CAMK2D: variants seen among roughly 807,000 people sequenced by gnomAD.
CAMK2D encodes the protein calcium/calmodulin-dependent protein kinase type II subunit delta.
In CAMK2D, 37 loss-of-function variants were observed where a neutral mutation model predicts 84.0. The observed-to-expected ratio is 0.44, with a 90% CI of 0.34 to 0.58. The LOEUF (loss-of-function observed/expected upper bound fraction) is 0.58. CAMK2D is among the 20% of genes least tolerant of loss of function. CAMK2D has a pLI of 0.02. For missense variants in CAMK2D, 448 were observed against 652.5 expected, an observed-to-expected ratio of 0.69 and a Z score of 3.41; for synonymous variants, 202 against 212.5, an observed-to-expected ratio of 0.95 and a Z score of 0.43.
chr4:113,461,302 T>A (rs965744195), intron 17 of CAMK2D, among the ~76,000 whole-genome samples: 1 of 152,204 alleles, frequency 6.6e-6, no homozygotes, highest in Non-Finnish European at 1.5e-5. Context: ...GAACACTTAC[T>A]ATGTGGCAGA....
intron 4 of CAMK2D, among the ~76,000 whole-genome samples, chr4:113,571,422 C>T (rs1386669298): frequency 6.6e-6 from 1 of 152,066 alleles, no homozygotes; most frequent in Non-Finnish European, 1.5e-5. Context: ...GATAATATGG[C>T]ATATAAAGAC....
chr4:113,624,689 C>A (rs2099060330), intron 3 of CAMK2D, among the ~76,000 whole-genome samples: 1 of 152,084 alleles, frequency 6.6e-6, no homozygotes, highest in African/African-American at 2.4e-5. Context: ...TTCTGGCATA[C>A]ATAAGAAACT....
At chr4:113,466,208 G>C (rs2097461524) in intron 16 of CAMK2D, among the ~76,000 whole-genome samples, 1 of 151,676 alleles carries the variant, frequency 6.6e-6, no homozygotes, top group Admixed American at 6.6e-5. Flanking sequence ...AGTGAGCCGA[G>C]ATCACGCCAC....
chr4:113,497,324 G>C (rs566456176), intron 16 of CAMK2D, among the ~76,000 whole-genome samples: 2 of 152,260 alleles, frequency 1.3e-5, no homozygotes, highest in East Asian at 3.9e-4. Context: ...CAGGTAAAGA[G>C]AAGGGATTCA....
At chr4:113,514,028 C>G in intron 10 of CAMK2D, 115 bp from the exon 11 acceptor site, 3 of 513,704 alleles carry the variant, frequency 5.8e-6, no homozygotes, top group Non-Finnish European at 1.0e-5. Context: ...GCAGGATCAA[C>G]TTCTAAGTAT....
chr4:113,506,005 C>T lies in CAMK2D; in HGVS notation c.985-970G>A, dbSNP rs187274021. The stretch of plus-strand genomic sequence containing the variant: ...GTTCTCAAACAAAAATGTAAGGTAA[C>T]GTTCATTTTCTTATACTATATTATC... On this transcript the variant is annotated intron_variant, in intron 13 of 20. Transcript: ENST00000511664. Among the ~76,000 whole-genome samples, 33 of 152,086 alleles carry T rather than the reference C, an allele frequency of 2.2e-4. No individual in the cohort carries two copies. In the East Asian group the frequency reaches 4.6e-3, roughly 21 times the overall value.
chr4:113,505,165 C>T, intron 13 of CAMK2D, 130 bp from the exon 14 acceptor site: 1 of 465,762 alleles, frequency 2.1e-6, no homozygotes, highest in Non-Finnish European at 3.8e-6. Flanking sequence ...ACGTGAAAGA[C>T]ATGGTGATGA....
At chr4:113,576,948 C>T (rs1391844142) in intron 4 of CAMK2D, among the ~76,000 whole-genome samples, 1 of 152,076 alleles carries the variant, frequency 6.6e-6, no homozygotes, top group Non-Finnish European at 1.5e-5. Context: ...TCCTAATTCC[C>T]AGAATTGTTT....
intron 13 of CAMK2D, among the ~76,000 whole-genome samples, chr4:113,506,072 T>C (rs1426559308): frequency 6.6e-6 from 1 of 152,172 alleles, no homozygotes. Context: ...TATACCTCCA[T>C]GATTTTAATA....
intron 3 of CAMK2D, among the ~76,000 whole-genome samples, chr4:113,658,431 TC>T (rs1561649952): frequency 1.3e-5 from 2 of 152,108 alleles, no homozygotes; most frequent in African/African-American, 4.8e-5. Flanking sequence ...TGTTTGTTTT[TC>T]CCCCAGAGAG....
intron 4 of CAMK2D, among the ~76,000 whole-genome samples, chr4:113,595,770 C>T (rs1431028316): frequency 3.9e-5 from 6 of 152,114 alleles, no homozygotes; most frequent in Admixed American, 6.5e-5. Flanking sequence ...CTGCTAAATA[C>T]GCTAATGATC....
At chr4:113,475,374 C>T (rs897878929) in intron 16 of CAMK2D, among the ~76,000 whole-genome samples, 1 of 152,112 alleles carries the variant, frequency 6.6e-6, no homozygotes, top group Admixed American at 6.5e-5. Context: ...ATAGTATCAA[C>T]TGAACTGTTA....
chr4:113,713,810 A>AT (rs527320804), intron 2 of CAMK2D, among the ~76,000 whole-genome samples: 9 of 150,740 alleles, frequency 6.0e-5, no homozygotes, highest in African/African-American at 1.7e-4. Flanking sequence ...CACATGTGAT[A>AT]TTTTTTTTCT....
chr4:113,596,042 G>T (rs1185282017), intron 4 of CAMK2D, among the ~76,000 whole-genome samples: 1 of 152,200 alleles, frequency 6.6e-6, no homozygotes, highest in African/African-American at 2.4e-5. Context: ...AAACCCTGCT[G>T]CTGTGTTATC....
intron 16 of CAMK2D, among the ~76,000 whole-genome samples, chr4:113,483,905 G>A (rs1051471316): frequency 7.9e-5 from 12 of 152,112 alleles, no homozygotes; most frequent in Non-Finnish European, 1.5e-4. Flanking sequence ...TGAAAAAGGG[G>A]TGCATCTATG....
At chr4:113,676,801 C>T (rs1411284365) in intron 2 of CAMK2D, among the ~76,000 whole-genome samples, 2 of 152,188 alleles carry the variant, frequency 1.3e-5, no homozygotes, top group African/African-American at 4.8e-5. Context: ...TAAGCCTCTC[C>T]ACATAATTTA....
In CAMK2D at chr4:113,761,023, G is replaced by C. The variant is rs745786721; in HGVS notation, c.46C>G (p.Leu16Val). The C allele has an allele frequency of 1.2e-6, 2 of 1,614,202 alleles. No individual in the cohort carries two copies. The highest frequency in any genetic ancestry group is 1.7e-6 in the Non-Finnish European group (2 of 1,180,038). The change falls in exon 1 of 21, where the codon CTT becomes GTT. Residue 16 changes from leucine to valine, a missense_variant. By Grantham distance (32) the Leu-to-Val change is conservative. Coordinates refer to ENST00000511664, the MANE Select transcript of CAMK2D (RefSeq NM_001321571.2). Reference sequence around the variant, plus strand: ...GCTTACTTTCCAAGCTCCTCGAAAAGCTGATACTCGTCCGTGAACCTGGTG... The same window carrying C: ...GCTTACTTTCCAAGCTCCTCGAAAACCTGATACTCGTCCGTGAACCTGGTG... ...TCTRFTDEYQ[L>V]FEELGKGAFS...
In CAMK2D at chr4:113,761,307, C is replaced by A; in HGVS notation, c.-239G>T. 1 of 1,419,204 alleles carries A rather than the reference C, an allele frequency of 7.0e-7. No individual in the cohort carries two copies. Among genetic ancestry groups the A allele is most frequent in the Non-Finnish European group, 9.2e-7 (1 of 1,089,958 alleles). The allele number at this position is 1,419,204 out of a possible 1,614,324, so 87.9% of individuals were successfully genotyped here. ...CGCCGATCCTCCTCCTCCTGCGGGCCTCGCTTCCTTCTTCTCCACTGGACG... is the reference window on the plus strand; with the variant it reads ...CGCCGATCCTCCTCCTCCTGCGGGCATCGCTTCCTTCTTCTCCACTGGACG... On this transcript the variant is annotated 5_prime_UTR_variant, in exon 1 of 21. It adds an upstream start codon to the 5' untranslated region. Transcript: ENST00000511664.
chr4:113,689,323 C>T (rs1040318554), intron 2 of CAMK2D, among the ~76,000 whole-genome samples: 1 of 152,148 alleles, frequency 6.6e-6, no homozygotes, highest in Admixed American at 6.5e-5. Context: ...TTGTCAATCT[C>T]TCAGAAAGCT....
Sources: gnomAD v4.1 joint callset for allele counts (sites outside exome capture counted in the v4.1 genomes callset) on GRCh38, gnomAD v4.1.1 for gene constraint, MANE v1.5 for transcripts, NCBI Gene and HGNC (gene_info 2026-07-23, HGNC 2026-07-21) for gene names.